TNFSF8: variants seen among roughly 807,000 people sequenced by gnomAD.
The protein encoded by TNFSF8 is TNF superfamily member 8, also known as tumor necrosis factor ligand superfamily member 8.
TNFSF8 carries 4 observed loss-of-function variants against 22.0 expected under a neutral mutation model. The observed-to-expected ratio is 0.18, with a 90% CI of 0.09 to 0.42. The LOEUF (loss-of-function observed/expected upper bound fraction) is 0.42, where lower values mean the gene tolerates loss of function less well. Ranked by LOEUF, TNFSF8 falls within the 10% of genes least tolerant of loss-of-function variation. The pLI is 1.00. For synonymous variants in TNFSF8, 106 were observed against 112.5 expected (o/e 0.94, Z 0.37); for missense variants, 233 against 281.8 (o/e 0.83, Z 1.24).
intron 1 of TNFSF8, among the ~76,000 whole-genome samples, chr9:114,923,479 T>TTTCC (rs1828015212): frequency 4.5e-5 from 1 of 22,466 alleles, no homozygotes; most frequent in African/African-American, 1.3e-4. Context: ...TTTCTTTCTT[T>TTTCC]TTCTTTCTTT....
At chr9:114,907,926 C>T (rs1359227645) in intron 2 of TNFSF8, among the ~76,000 whole-genome samples, 1 of 152,192 alleles carries the variant, frequency 6.6e-6, no homozygotes, top group Non-Finnish European at 1.5e-5. Context: ...GATCCAAACT[C>T]AGGCTGCCTG....
chr9:114,928,974 A>G (rs1828099662), intron 1 of TNFSF8, among the ~76,000 whole-genome samples: 1 of 152,228 alleles, frequency 6.6e-6, no homozygotes. Context: ...GGATTATAAT[A>G]CCACGAAAAG....
At position 114,911,513 on chromosome 9, in the gene TNFSF8, T is replaced by G. The variant is rs117601227; in HGVS notation, c.239-5614A>C. Reference sequence around the variant, plus strand: ...AAAGTAATTGAGGCTTTTGACCAATTCCTTGATATCACTAAGCCAACTAGT... The same window carrying G: ...AAAGTAATTGAGGCTTTTGACCAATGCCTTGATATCACTAAGCCAACTAGT... On this transcript the variant is annotated intron_variant, in intron 2 of 3. Coordinates refer to ENST00000223795, the MANE Select transcript of TNFSF8 (RefSeq NM_001244.4). 3.0e-3 allele frequency among the ~76,000 whole-genome samples: 451 copies of G among 152,274 alleles called. 1 individual carries two copies. Among genetic ancestry groups the G allele is most frequent in the Non-Finnish European group, 4.8e-3 (329 of 68,022 alleles).
chr9:114,904,992 A>T (rs1249944345), intron 3 of TNFSF8, among the ~76,000 whole-genome samples: 2 of 152,200 alleles, frequency 1.3e-5, no homozygotes, highest in African/African-American at 4.8e-5. Context: ...GGCTCTTGCC[A>T]TCTGGGATTT....
chr9:114,917,729 T>C (rs1827936944), intron 2 of TNFSF8, among the ~76,000 whole-genome samples: 1 of 152,206 alleles, frequency 6.6e-6, no homozygotes, highest in African/African-American at 2.4e-5. Context: ...ATTATTCCCA[T>C]TTAACAGATG....
At chr9:114,928,400 G>A (rs1044468355) in intron 1 of TNFSF8, among the ~76,000 whole-genome samples, 2 of 152,174 alleles carry the variant, frequency 1.3e-5, no homozygotes, top group Non-Finnish European at 2.9e-5. Flanking sequence ...TTACAAAAAT[G>A]AGGCAGAAAG....
chr9:114,919,521 C>A (rs1223099196), intron 1 of TNFSF8, among the ~76,000 whole-genome samples: 2 of 152,138 alleles, frequency 1.3e-5, no homozygotes, highest in Non-Finnish European at 2.9e-5. Context: ...CCCTTTCTCT[C>A]CAGCCATGGA....
Position 114,930,408 on chromosome 9 carries a change from T to C in TNFSF8, c.-105A>G. ...GATTCTCCCCCTGAATCCTGAATCATGTGACTTGGAAAAAAACCTTCACCT... is the reference window on the plus strand; with the variant it reads ...GATTCTCCCCCTGAATCCTGAATCACGTGACTTGGAAAAAAACCTTCACCT... On this transcript the variant is annotated 5_prime_UTR_variant, in exon 1 of 4. It removes an upstream start codon present in the reference 5' UTR. Coordinates refer to ENST00000223795, the MANE Select transcript of TNFSF8 (RefSeq NM_001244.4). 4 of 1,006,162 alleles carry C rather than the reference T, an allele frequency of 4.0e-6. No homozygotes were observed. In the East Asian group the frequency reaches 1.2e-4, roughly 30 times the overall value. The allele number at this position is 1,006,162 out of a possible 1,614,324, so 62.3% of individuals were successfully genotyped here.
At chr9:114,916,235 A>T (rs1827917119) in intron 2 of TNFSF8, among the ~76,000 whole-genome samples, 1 of 152,214 alleles carries the variant, frequency 6.6e-6, no homozygotes, top group Non-Finnish European at 1.5e-5. Context: ...AGTGCCTCTT[A>T]CATTAGATAT....
intron 1 of TNFSF8, among the ~76,000 whole-genome samples, chr9:114,928,869 T>C (rs1004773567): frequency 3.9e-5 from 6 of 152,192 alleles, no homozygotes; most frequent in African/African-American, 1.4e-4. Context: ...GAAATAGATA[T>C]CAAAGCCTTT....
At chr9:114,898,006 A>AT (rs34397268), downstream of TNFSF8, among the ~76,000 whole-genome samples, 1,064 of 144,738 alleles carry the variant, frequency 7.4e-3, 6 homozygotes, top group East Asian at 0.024. Flanking sequence ...AATGATGCCT[A>AT]TTTTTTTTTT....
rs1385053418 is a variant in TNFSF8, at chr9:114,923,504, TTCTTTCTTTCTTTCTTTC to T, written c.196-5384_196-5367del. On this transcript the variant is annotated intron_variant, in intron 1 of 3. Coordinates refer to ENST00000223795, the MANE Select transcript of TNFSF8 (RefSeq NM_001244.4). ...TTTCTTTCTTTCTTTCTTTCTTTCTTTCTTTCTTTCTTTCTTTCTTTTTTTTTTTTTGAGATGAAATCT... is the reference window on the plus strand; with the variant it reads ...TTTCTTTCTTTCTTTCTTTCTTTCTTTTTTTTTTTTTTTGAGATGAAATCT... 2.1e-4 allele frequency among the ~76,000 whole-genome samples: 18 copies of T among 85,080 alleles called. 1 individual carries two copies. The East Asian group carries it at 2.2e-3, about 10-fold the overall frequency. 55.8% of individuals were successfully genotyped at this position (85,080 alleles called of 152,430 possible). A position where few individuals can be genotyped will look rare whatever the true frequency, so the allele number is the denominator to read the frequency against.
In TNFSF8 at chr9:114,905,847, C is replaced by T; in HGVS notation, c.291G>A (p.Lys97=). Reference sequence around the variant, plus strand: ...ACTGACCTTGGAGGTAGGCCCATGACTTCTTGAATGGAGCCCTTTTCAGGA... The same window carrying T: ...ACTGACCTTGGAGGTAGGCCCATGATTTCTTGAATGGAGCCCTTTTCAGGA... ...LCILKRAPFK[K]SWAYLQVAKH... Residue 97 remains lysine, a synonymous_variant, in exon 3 of 4, where the codon AAG becomes AAA. Coordinates refer to ENST00000223795, the MANE Select transcript of TNFSF8 (RefSeq NM_001244.4). The T allele has an allele frequency of 2.5e-6, 4 of 1,612,758 alleles. No homozygotes were observed. The highest frequency in any genetic ancestry group is 3.4e-6 in the Non-Finnish European group (4 of 1,178,778).
chr9:114,923,961 A>G (rs1554778364), intron 1 of TNFSF8, among the ~76,000 whole-genome samples: 2 of 152,272 alleles, frequency 1.3e-5, no homozygotes, highest in Non-Finnish European at 1.5e-5. Flanking sequence ...TAAGACGTAT[A>G]TAGAATTACC....
At chr9:114,896,420 A>T (rs1040406923), downstream of TNFSF8, among the ~76,000 whole-genome samples, 1 of 152,156 alleles carries the variant, frequency 6.6e-6, no homozygotes, top group African/African-American at 2.4e-5. Flanking sequence ...GTGGCCTGGG[A>T]TTTCAGGATT....
intron 1 of TNFSF8, among the ~76,000 whole-genome samples, chr9:114,921,001 TACTG>T (rs1564371724): frequency 6.6e-6 from 1 of 152,148 alleles, no homozygotes; most frequent in East Asian, 1.9e-4. Flanking sequence ...TTTCGAGTAA[TACTG>T]ACACTCCTGG....
chr9:114,917,913 A>G (rs1295978568), intron 2 of TNFSF8, among the ~76,000 whole-genome samples, 183 bp downstream of exon 2: 1 of 152,224 alleles, frequency 6.6e-6, no homozygotes, highest in Non-Finnish European at 1.5e-5. Context: ...GGATGAGTTC[A>G]GGAGCTGCTA....
intron 2 of TNFSF8, among the ~76,000 whole-genome samples, chr9:114,908,586 TTTG>T (rs1202061978): frequency 2.0e-5 from 3 of 152,210 alleles, no homozygotes; most frequent in African/African-American, 4.8e-5. Context: ...TTCTGGTTCT[TTTG>T]TTGTTTTTTC....
At chr9:114,922,175 G>T (rs1827996870) in intron 1 of TNFSF8, among the ~76,000 whole-genome samples, 1 of 152,186 alleles carries the variant, frequency 6.6e-6, no homozygotes, top group Admixed American at 6.5e-5. Context: ...TGCTTAATTT[G>T]CCTCAATACC....
Sources: gnomAD v4.1 joint callset for allele counts (sites outside exome capture counted in the v4.1 genomes callset) on GRCh38, gnomAD v4.1.1 for gene constraint, MANE v1.5 for transcripts, NCBI Gene and HGNC (gene_info 2026-07-23, HGNC 2026-07-21) for gene names.